DPP10: variants seen among roughly 807,000 people sequenced by gnomAD.
DPP10 encodes the protein dipeptidyl peptidase like 10, also known as inactive dipeptidyl peptidase 10.
In DPP10, 33 loss-of-function variants were observed where a neutral mutation model predicts 120.9. The ratio of observed to expected loss-of-function variants is 0.27; its 90% CI spans 0.21 to 0.37. The LOEUF (loss-of-function observed/expected upper bound fraction) is 0.37. DPP10 is among the 10% of genes least tolerant of loss of function. The pLI is 1.00. For missense variants in DPP10, 816 were observed against 942.8 expected (o/e 0.87, Z 1.76); for synonymous variants, 337 against 326.1 (o/e 1.03, Z -0.36).
At chr2:114,465,179 C>A (rs1425905300) in intron 1 of DPP10, among the ~76,000 whole-genome samples, 1 of 152,156 alleles carries the variant, frequency 6.6e-6, no homozygotes, top group East Asian at 1.9e-4. Flanking sequence ...GTTTTCTGAA[C>A]TTTGGCCTTC....
intron 2 of DPP10, among the ~76,000 whole-genome samples, chr2:115,330,817 T>C (rs1395066226): frequency 6.6e-6 from 1 of 152,198 alleles, no homozygotes; most frequent in Non-Finnish European, 1.5e-5. Context: ...CATGCTGTTT[T>C]GGTTACTGTA....
chr2:115,359,608 C>A (rs2064636511), intron 3 of DPP10, among the ~76,000 whole-genome samples: 1 of 152,014 alleles, frequency 6.6e-6, no homozygotes, highest in African/African-American at 2.4e-5. Context: ...TAGAGATGGT[C>A]TTCTTATATC....
At chr2:115,663,399 C>T (rs935908740) in intron 5 of DPP10, among the ~76,000 whole-genome samples, 5 of 152,070 alleles carry the variant, frequency 3.3e-5, no homozygotes, top group African/African-American at 1.2e-4. Flanking sequence ...TCATGGTATT[C>T]GGGTCTGTTT....
intron 1 of DPP10, among the ~76,000 whole-genome samples, chr2:114,984,609 T>C (rs1042413011): frequency 3.3e-5 from 5 of 151,944 alleles, no homozygotes; most frequent in African/African-American, 1.2e-4. Flanking sequence ...TTGGGAAACA[T>C]AGCAAAAACC....
intron 1 of DPP10, among the ~76,000 whole-genome samples, chr2:115,012,640 C>T (rs1702348661): frequency 6.6e-6 from 1 of 152,154 alleles, no homozygotes; most frequent in South Asian, 2.1e-4. Context: ...AGAGGGAGAA[C>T]ACTACATCAA....
chr2:115,572,708 G>A (rs1442491542), intron 5 of DPP10, among the ~76,000 whole-genome samples: 1 of 152,118 alleles, frequency 6.6e-6, no homozygotes. Context: ...TATTTCTCTA[G>A]GGACCTTTAA....
At position 115,632,018 on chromosome 2, in the gene DPP10, G is replaced by A. The variant is rs1027066853; in HGVS notation, c.442-57669G>A. On this transcript the variant is annotated intron_variant, in intron 5 of 25. Transcript: ENST00000410059. ...CTTATATTGACAGTGGGGTGTTGAAGTCTCACACTGTTACTATGTGGGAAT... is the reference window on the plus strand; with the variant it reads ...CTTATATTGACAGTGGGGTGTTGAAATCTCACACTGTTACTATGTGGGAAT... 3.3e-5 allele frequency among the ~76,000 whole-genome samples: 5 copies of A among 152,254 alleles called. No individual in the cohort carries two copies. The East Asian group carries it at 5.8e-4, about 18-fold the overall frequency.
At chr2:115,347,608 T>C (rs1417813028) in intron 3 of DPP10, among the ~76,000 whole-genome samples, 2 of 152,078 alleles carry the variant, frequency 1.3e-5, no homozygotes, top group African/African-American at 4.8e-5. Context: ...CATTAGGCAT[T>C]TCCCCTAATG....
intron 3 of DPP10, among the ~76,000 whole-genome samples, chr2:115,466,702 C>G (rs1185330689): frequency 6.6e-6 from 1 of 152,062 alleles, no homozygotes; most frequent in Non-Finnish European, 1.5e-5. Flanking sequence ...GCTTGATATA[C>G]TGTGATGTAG....
At chr2:115,545,818 T>C (rs1488219826) in intron 5 of DPP10, among the ~76,000 whole-genome samples, 2 of 152,102 alleles carry the variant, frequency 1.3e-5, no homozygotes, top group African/African-American at 2.4e-5. Context: ...GCTGTTTTTA[T>C]ATGGCACCTC....
chr2:114,488,506 G>T (rs903067335), intron 1 of DPP10, among the ~76,000 whole-genome samples: 1 of 152,106 alleles, frequency 6.6e-6, no homozygotes, highest in Non-Finnish European at 1.5e-5. Flanking sequence ...TAGGGCCTGT[G>T]GTCAAATGAT....
chr2:115,539,744 GTATCAA>G (rs1319011066), intron 5 of DPP10, among the ~76,000 whole-genome samples: 1 of 150,458 alleles, frequency 6.6e-6, no homozygotes, highest in Non-Finnish European at 1.5e-5. Context: ...TTTTTGAAAA[GTATCAA>G]ATATGGAATA....
At chr2:115,088,032 T>C (rs965542846) in intron 1 of DPP10, among the ~76,000 whole-genome samples, 1 of 152,108 alleles carries the variant, frequency 6.6e-6, no homozygotes, top group Non-Finnish European at 1.5e-5. Flanking sequence ...CTCCAGAAAA[T>C]TCAGTGTCTG....
At position 114,987,804 on chromosome 2, in the gene DPP10, C is replaced by CTTTTTTTTTTTTTTTTTTTTTTT. The variant is rs59203543; in HGVS notation, c.61-321423_61-321422insTTTTTTTTTTTTTTTTTTTTTTT. ...TATACTCCTTGAGTGTGGAGACTGT[C>CTTTTTTTTTTTTTTTTTTTTTTT]TTTTTTTTTTTTATTTTGAGATGGA... On this transcript the variant is annotated intron_variant, in intron 1 of 25. Coordinates refer to ENST00000410059, the MANE Select transcript of DPP10 (RefSeq NM_020868.6). 6.6e-4 allele frequency among the ~76,000 whole-genome samples: 67 copies of CTTTTTTTTTTTTTTTTTTTTTTT among 101,034 alleles called. 2 individuals carry two copies. The highest frequency in any genetic ancestry group is 6.4e-4 in the Non-Finnish European group (36 of 55,830). The allele number at this position is 101,034 out of a possible 152,430, so 66.3% of individuals were successfully genotyped here. A position where few individuals can be genotyped will look rare whatever the true frequency, so the allele number is the denominator to read the frequency against.
At position 115,412,057 on chromosome 2, in the gene DPP10, G is replaced by T. The variant is rs142749287; in HGVS notation, c.271+68145G>T. On this transcript the variant is annotated intron_variant, in intron 3 of 25. Coordinates refer to ENST00000410059, the MANE Select transcript of DPP10 (RefSeq NM_020868.6). ...GGAACAACTACTGTGAACCATGCAT[G>T]GTGCTAGGTTTTAAAGATTAAAATG... Among the ~76,000 whole-genome samples the T allele has an allele frequency of 7.0e-4, 107 of 152,250 alleles. 1 individual carries two copies. In the East Asian group the frequency reaches 0.019, roughly 27 times the overall value.
At chr2:114,610,206 G>T (rs185984609) in intron 1 of DPP10, among the ~76,000 whole-genome samples, 2 of 152,224 alleles carry the variant, frequency 1.3e-5, no homozygotes, top group African/African-American at 4.8e-5. Context: ...CGTATGTTTT[G>T]TTTTGGGTCT....
At chr2:114,564,305 C>T (rs922008011) in intron 1 of DPP10, among the ~76,000 whole-genome samples, 67 of 151,922 alleles carry the variant, frequency 4.4e-4, no homozygotes, top group African/African-American at 1.6e-3. Flanking sequence ...CTATATATGT[C>T]CTATTTTATA....
rs148249380 is a variant in DPP10 at position 114,792,498 on chromosome 2, G to A, written c.60+349660G>A. On this transcript the variant is annotated intron_variant, in intron 1 of 25. Coordinates refer to ENST00000410059, the MANE Select transcript of DPP10 (RefSeq NM_020868.6). ...ATAGTTAACACAGCAGGCCTGAGTC[G>A]GATATCTTCAAGCCTGCTTGCAAGG... Among the ~76,000 whole-genome samples the A allele has an allele frequency of 3.6e-3, 555 of 152,290 alleles. 2 individuals carry two copies. Among genetic ancestry groups the A allele is most frequent in the Non-Finnish European group, 5.6e-3 (379 of 68,018 alleles).
intron 2 of DPP10, among the ~76,000 whole-genome samples, chr2:115,337,057 CGTT>C (rs2063182267): frequency 6.6e-6 from 1 of 151,494 alleles, no homozygotes; most frequent in Admixed American, 6.6e-5. Context: ...GACTGAGTTC[CGTT>C]GTAACTATAA....
Sources: allele counts gnomAD v4.1 joint callset (sites outside exome capture counted in the v4.1 genomes callset), GRCh38; gene constraint gnomAD v4.1.1; transcripts MANE v1.5; gene names NCBI Gene and HGNC (gene_info 2026-07-23, HGNC 2026-07-21).